Variants in HELLS observed in about 807,000 individuals in gnomAD.
The protein encoded by HELLS is lymphoid-specific helicase.
HELLS carries 32 observed loss-of-function variants against 120.0 expected under a neutral mutation model. The ratio of observed to expected loss-of-function variants is 0.27; its 90% CI spans 0.20 to 0.36. HELLS has a LOEUF of 0.36. Ranked by LOEUF, HELLS falls within the 10% of genes least tolerant of loss-of-function variation. The pLI is 1.00. For synonymous variants in HELLS, 341 were observed against 323.4 expected, an observed-to-expected ratio of 1.05 and a Z score of -0.58; for missense variants, 650 against 993.4, an observed-to-expected ratio of 0.65 and a Z score of 4.65.
intron 6 of HELLS, among the ~76,000 whole-genome samples, chr10:94,567,156 T>G (rs1843843184): frequency 6.6e-6 from 1 of 152,192 alleles, no homozygotes. Context: ...ACCCTGCTCC[T>G]CCAAGTTATC....
At chr10:94,554,016 G>T in intron 2 of HELLS, 110 bp from the exon 3 acceptor site, 3 of 965,410 alleles carry the variant, frequency 3.1e-6, no homozygotes, top group East Asian at 3.1e-5. Flanking sequence ...TGGTTTGAAA[G>T]TGTTTGGTTT....
intron 10 of HELLS, among the ~76,000 whole-genome samples, chr10:94,580,152 T>TA (rs1844776511): frequency 2.0e-5 from 1 of 51,182 alleles, no homozygotes; most frequent in Non-Finnish European, 3.7e-5. Context: ...TATATATATA[T>TA]ATATATATAT....
downstream of HELLS, among the ~76,000 whole-genome samples, chr10:94,604,249 C>T (rs1466564810): frequency 2.6e-5 from 4 of 151,308 alleles, no homozygotes; most frequent in African/African-American, 7.3e-5. Flanking sequence ...CTTGGCCTCC[C>T]GAGTAGCTGG....
Position 94,592,498 on chromosome 10 carries a change from C to T in HELLS, c.1955C>T (p.Ser652Leu). The T allele has an allele frequency of 6.8e-7, 1 of 1,472,792 alleles. No individual in the cohort carries two copies. The allele number at this position is 1,472,792 out of a possible 1,614,324, so 91.2% of individuals were successfully genotyped here. A position where few individuals can be genotyped will look rare whatever the true frequency, so the allele number is the denominator to read the frequency against. ...FSRLDGSMSY[S>L]EREKNMHSFN... ...AGGCTTGATGGGTCCATGTCTTACTCAGAGAGAGAAAAAAACGTAAGACTA... is the reference window on the plus strand; with the variant it reads ...AGGCTTGATGGGTCCATGTCTTACTTAGAGAGAGAAAAAAACGTAAGACTA... The change falls in exon 17 of 22, where the codon TCA becomes TTA. Residue 652 changes from serine (S) to leucine (L), a missense_variant. Ser to Leu is a moderately radical substitution (Grantham distance 145). Transcript: ENST00000348459.
At chr10:94,593,379 T>G in intron 17 of HELLS, 120 bp from the exon 18 acceptor site, 1 of 624,842 alleles carries the variant, frequency 1.6e-6, no homozygotes, top group Non-Finnish European at 2.9e-6. Flanking sequence ...TAGATCTGAA[T>G]GATTTGTTTG....
At chr10:94,555,794 T>G (rs953916622) in intron 3 of HELLS, among the ~76,000 whole-genome samples, 19 of 152,016 alleles carry the variant, frequency 1.2e-4, no homozygotes, top group African/African-American at 4.6e-4. Context: ...ATGTCTGTCT[T>G]ATTTTTGTAT....
At chr10:94,580,156 TATATATACACACAC>T (rs1380745057) in intron 10 of HELLS, among the ~76,000 whole-genome samples, 1 of 49,202 alleles carries the variant, frequency 2.0e-5, no homozygotes, top group Admixed American at 1.8e-4. Flanking sequence ...TATATATATA[TATATATACACACAC>T]ACACACACAC....
In HELLS at chr10:94,590,569, G is replaced by A. The variant is rs1178408623; in HGVS notation, c.1628+17G>A. 7 of 1,610,488 alleles carry A rather than the reference G, an allele frequency of 4.3e-6. No individual in the cohort carries two copies. The highest frequency in any genetic ancestry group is 5.9e-6 in the Non-Finnish European group (7 of 1,179,346). On this transcript the variant is annotated intron_variant, in intron 14 of 21. Transcript: ENST00000348459. The stretch of plus-strand genomic sequence containing the variant: ...CCGAGAAAGGTTTGAATTCAAAAGT[G>A]AATTTAAGTATTCTTTAAACTGTGA...
At position 94,555,175 on chromosome 10, in the gene HELLS, G is replaced by T. The variant is rs559497968; in HGVS notation, c.276+927G>T. ...AAACAGGCTGGGCGCAGTGGCTCAC[G>T]CCTGTAATCCCAGCACTTTGGGAGG... On this transcript the variant is annotated intron_variant, in intron 3 of 21. Coordinates refer to ENST00000348459, the MANE Select transcript of HELLS (RefSeq NM_018063.5). 2.0e-5 allele frequency among the ~76,000 whole-genome samples: 3 copies of T among 151,386 alleles called. No individual in the cohort carries two copies. In the South Asian group the frequency reaches 6.3e-4, roughly 32 times the overall value.
In HELLS at chr10:94,562,686, T is replaced by G. The variant is rs781722925; in HGVS notation, c.334-5T>G. ...AAATCAATATTCTGAATCCTTGTTTTGTAGGGTAAAAATTCAATTGATGCA... is the reference window on the plus strand; with the variant it reads ...AAATCAATATTCTGAATCCTTGTTTGGTAGGGTAAAAATTCAATTGATGCA... On this transcript the variant is annotated splice_region_variant and splice_polypyrimidine_tract_variant and intron_variant, in intron 4 of 21. Coordinates refer to ENST00000348459, the MANE Select transcript of HELLS (RefSeq NM_018063.5). 4.4e-6 allele frequency: 7 copies of G among 1,575,316 alleles called. No homozygotes were observed. The highest frequency in any genetic ancestry group is 6.1e-6 in the Non-Finnish European group (7 of 1,152,596).
chr10:94,571,549 A>G, intron 7 of HELLS, 120 bp downstream of exon 7: 1 of 759,972 alleles, frequency 1.3e-6, no homozygotes, highest in Non-Finnish European at 1.9e-6. Context: ...CTTTGCTTTA[A>G]AAAAAAATAC....
chr10:94,604,972 T>C (rs1225549127), downstream of HELLS, among the ~76,000 whole-genome samples: 1 of 151,974 alleles, frequency 6.6e-6, no homozygotes, highest in African/African-American at 2.4e-5. Context: ...TAGTTTGGAC[T>C]GTAGAACTGA....
intron 7 of HELLS, among the ~76,000 whole-genome samples, chr10:94,572,947 A>C (rs1844249082): frequency 6.6e-6 from 1 of 151,990 alleles, no homozygotes; most frequent in African/African-American, 2.4e-5. Context: ...TTCTTTGATA[A>C]CTATGTTTTC....
intron 4 of HELLS, among the ~76,000 whole-genome samples, 174 bp downstream of exon 4, chr10:94,558,369 T>C (rs550808446): frequency 5.9e-5 from 9 of 152,312 alleles, no homozygotes; most frequent in Admixed American, 4.6e-4. Flanking sequence ...ATTTAAGAAA[T>C]GGAGAAAGAG....
Position 94,578,805 on chromosome 10 carries a change from A to G in HELLS, c.1032+2000A>G, listed in dbSNP as rs192560472. Among the ~76,000 whole-genome samples, 9 of 152,322 alleles carry G rather than the reference A, an allele frequency of 5.9e-5. No homozygotes were observed. In the East Asian group the frequency reaches 1.7e-3, roughly 29 times the overall value. ...ACAAATCATCCACCATTAGATTTTT[A>G]TAAGGAGCGCACAACCCAGACAACC... On this transcript the variant is annotated intron_variant, in intron 10 of 21. Coordinates refer to ENST00000348459, the MANE Select transcript of HELLS (RefSeq NM_018063.5).
At chr10:94,551,299 G>C (rs1361578719) in intron 2 of HELLS, among the ~76,000 whole-genome samples, 1 of 152,112 alleles carries the variant, frequency 6.6e-6, no homozygotes, top group Non-Finnish European at 1.5e-5. Context: ...TGCCGGGTAC[G>C]GTGGCTCACA....
At chr10:94,552,818 A>C in intron 2 of HELLS, among the ~76,000 whole-genome samples, 1 of 152,024 alleles carries the variant, frequency 6.6e-6, no homozygotes, top group East Asian at 1.9e-4. Flanking sequence ...CAAAAAAAAA[A>C]AATACAAAAA....
chr10:94,583,971 T>C, intron 12 of HELLS: 1 of 566,640 alleles, frequency 1.8e-6, no homozygotes, highest in Non-Finnish European at 3.2e-6. Context: ...TTTGCCCATT[T>C]CTGGCTATTT....
At chr10:94,584,115 C>G in intron 12 of HELLS, 4 of 1,355,354 alleles carry the variant, frequency 3.0e-6, no homozygotes, top group Non-Finnish European at 3.9e-6. Context: ...AAGCTTCATA[C>G]CAATTTTGAG....
Sources: gnomAD v4.1 joint callset for allele counts (sites outside exome capture counted in the v4.1 genomes callset) on GRCh38, gnomAD v4.1.1 for gene constraint, MANE v1.5 for transcripts, NCBI Gene and HGNC (gene_info 2026-07-23, HGNC 2026-07-21) for gene names.